The following SOX5 variants were observed in gnomAD, a reference collection of about 807,000 sequenced individuals.
The protein encoded by SOX5 is transcription factor SOX-5.
A neutral mutation model predicts 92.0 loss-of-function variants in SOX5; 9 were observed. The observed-to-expected ratio is 0.10, with a 90% confidence interval of 0.06 to 0.17. The LOEUF (loss-of-function observed/expected upper bound fraction) is 0.17, where lower values mean the gene tolerates loss of function less well. SOX5 is among the 10% of genes least tolerant of loss of function. The pLI, the probability that SOX5 is intolerant of heterozygous loss-of-function variation, is 1.00. For synonymous variants in SOX5, 344 were observed against 336.3 expected, an observed-to-expected ratio of 1.02 and a Z score of -0.25; for missense variants, 642 against 944.5, an observed-to-expected ratio of 0.68 and a Z score of 4.20.
At chr12:24,376,909 C>G (rs1184488206) in intron 1 of SOX5, among the ~76,000 whole-genome samples, 2 of 144,382 alleles carry the variant, frequency 1.4e-5, no homozygotes, top group Non-Finnish European at 3.0e-5. Context: ...TGGGGTTTTA[C>G]CATGTTGCCC....
At chr12:24,263,839 G>A (rs1420523212) in intron 3 of SOX5, among the ~76,000 whole-genome samples, 1 of 152,116 alleles carries the variant, frequency 6.6e-6, no homozygotes, top group Non-Finnish European at 1.5e-5. Context: ...TTTCAAATCA[G>A]ATTTCTCCTC....
intron 3 of SOX5, among the ~76,000 whole-genome samples, chr12:24,263,544 A>AAAAAAAAAAC (rs1565781795): frequency 6.7e-6 from 1 of 149,518 alleles, no homozygotes. Context: ...AAAAAAACAA[A>AAAAAAAAAAC]AAAAAAAACA....
At chr12:24,526,799 T>G (rs978682057) in intron 1 of SOX5, among the ~76,000 whole-genome samples, 17 of 152,122 alleles carry the variant, frequency 1.1e-4, no homozygotes, top group Non-Finnish European at 2.5e-4. Flanking sequence ...TTTAGTCTTC[T>G]TCTTATGAAA....
At chr12:23,697,619 C>T (rs894026620) in intron 6 of SOX5, among the ~76,000 whole-genome samples, 1 of 152,150 alleles carries the variant, frequency 6.6e-6, no homozygotes, top group South Asian at 2.1e-4. Context: ...GGTGCTATGG[C>T]AGCTCACAGC....
chr12:24,479,002 T>C (rs1945685499), intron 1 of SOX5, among the ~76,000 whole-genome samples: 1 of 152,210 alleles, frequency 6.6e-6, no homozygotes, highest in African/African-American at 2.4e-5. Flanking sequence ...TCGAGCTCCA[T>C]TTCTCACTAT....
chr12:24,420,395 A>G (rs907921427), intron 1 of SOX5, among the ~76,000 whole-genome samples: 6 of 152,188 alleles, frequency 3.9e-5, no homozygotes, highest in African/African-American at 1.4e-4. Flanking sequence ...TCAAAAGCCA[A>G]CTTGAAAGGG....
At chr12:24,360,472 A>AG (rs1339093541) in intron 2 of SOX5, among the ~76,000 whole-genome samples, 2 of 152,182 alleles carry the variant, frequency 1.3e-5, no homozygotes, top group Non-Finnish European at 2.9e-5. Context: ...CAAAAAGTAG[A>AG]GGGATCATGG....
At chr12:23,949,745 TCTCTCTCC>T (rs1945250469), upstream of SOX5, 1 of 949,236 alleles carries the variant, frequency 1.1e-6, no homozygotes, top group Non-Finnish European at 1.5e-6. Flanking sequence ...TCTCTCTCTC[TCTCTCTCC>T]CTCTCTCTCT....
At chr12:23,728,100 G>T (rs1285905868) in intron 6 of SOX5, among the ~76,000 whole-genome samples, 1 of 152,086 alleles carries the variant, frequency 6.6e-6, no homozygotes, top group African/African-American at 2.4e-5. Flanking sequence ...TTATCCTTAC[G>T]AACCCTTCAG....
chr12:24,512,501 G>A lies in SOX5; in HGVS notation c.-251+49828C>T, dbSNP rs79196958. Among the ~76,000 whole-genome samples the A allele has an allele frequency of 3.3e-5, 5 of 152,326 alleles. No homozygotes were observed. In the East Asian group the frequency reaches 9.6e-4, roughly 29 times the overall value. ...TCAAATATAACACCTTTGACTTAAT[G>A]AAGACAATGTAGATATATGCTCCTT... On this transcript the variant is annotated intron_variant, in intron 1 of 4. Transcript: ENST00000446891.
At chr12:24,115,867 T>C (rs1006837209) in intron 4 of SOX5, among the ~76,000 whole-genome samples, 4 of 152,130 alleles carry the variant, frequency 2.6e-5, no homozygotes, top group African/African-American at 7.2e-5. Context: ...GTTATTGTTT[T>C]TGAGATTGTT....
chr12:24,287,829 A>ATTCT (rs1946091096), intron 2 of SOX5, among the ~76,000 whole-genome samples: 1 of 152,016 alleles, frequency 6.6e-6, no homozygotes, highest in African/African-American at 2.4e-5. Flanking sequence ...AAACTCAGAA[A>ATTCT]AATTCTTACG....
At chr12:24,284,172 A>G (rs17498948) in intron 2 of SOX5, among the ~76,000 whole-genome samples, 24,273 of 152,228 alleles carry the variant, frequency 0.16, 2,080 homozygotes, top group Middle Eastern at 0.26. Context: ...AACAACAGGA[A>G]ATTCTAGTGA....
chr12:23,570,933 ATATATATATATATATATATAT>A (rs1565915161), intron 10 of SOX5, among the ~76,000 whole-genome samples: 365 of 8,222 alleles, frequency 0.044, 80 homozygotes, highest in East Asian at 0.37. Flanking sequence ...AAAAAAAAAT[ATATATATATATATATATATAT>A]ATATATATAT....
intron 1 of SOX5, among the ~76,000 whole-genome samples, chr12:24,403,018 C>G (rs981626293): frequency 6.6e-6 from 1 of 152,162 alleles, no homozygotes; most frequent in African/African-American, 2.4e-5. Context: ...GGATAACAGG[C>G]ACAAATCTTC....
intron 1 of SOX5, among the ~76,000 whole-genome samples, chr12:24,537,308 A>C (rs921591211): frequency 2.6e-5 from 4 of 152,234 alleles, no homozygotes; most frequent in Non-Finnish European, 4.4e-5. Context: ...TCTGGATCCT[A>C]GCCAAATTTC....
rs535870999 is a variant in SOX5 at position 24,327,744 on chromosome 12, C to T, written c.-174+40819G>A. On this transcript the variant is annotated intron_variant, in intron 2 of 4. Transcript: ENST00000446891. ...GACTACAGGAGCCTGCCACCACGCCCGGCTAATTTTTTTATGTGTGTGTGT... is the reference window on the plus strand; with the variant it reads ...GACTACAGGAGCCTGCCACCACGCCTGGCTAATTTTTTTATGTGTGTGTGT... Among the ~76,000 whole-genome samples the T allele has an allele frequency of 2.9e-4, 44 of 151,938 alleles. 1 individual carries two copies. The South Asian group carries it at 5.8e-3, about 20-fold the overall frequency.
intron 4 of SOX5, among the ~76,000 whole-genome samples, chr12:24,095,593 T>C (rs1178411948): frequency 6.6e-6 from 1 of 152,178 alleles, no homozygotes; most frequent in Non-Finnish European, 1.5e-5. Context: ...CTTTTTAAAA[T>C]TGTATTACAA....
chr12:24,152,310 C>T (rs1055703831), intron 4 of SOX5, among the ~76,000 whole-genome samples: 1 of 152,128 alleles, frequency 6.6e-6, no homozygotes, highest in African/African-American at 2.4e-5. Context: ...TGTGTATTCC[C>T]AATCCAGCAT....
Sources: gnomAD v4.1 joint callset for allele counts (sites outside exome capture counted in the v4.1 genomes callset) on GRCh38, gnomAD v4.1.1 for gene constraint, MANE v1.5 for transcripts, NCBI Gene and HGNC (gene_info 2026-07-23, HGNC 2026-07-21) for gene names.